The following AMBRA1 variants were observed in gnomAD, a reference collection of about 807,000 sequenced individuals.
The protein encoded by AMBRA1 is autophagy and beclin 1 regulator 1, also known as activating molecule in BECN1-regulated autophagy protein 1.
A neutral mutation model predicts 125.4 loss-of-function variants in AMBRA1; 47 were observed. The ratio of observed to expected loss-of-function variants is 0.37; its 90% CI spans 0.30 to 0.48. AMBRA1 has a LOEUF of 0.48. AMBRA1 is among the 20% of genes least tolerant of loss of function. The pLI, the probability that AMBRA1 is intolerant of heterozygous loss-of-function variation, is 0.99. For missense variants in AMBRA1, 1,331 were observed against 1,693.4 expected (o/e 0.79, Z 3.76); for synonymous variants, 626 against 655.5 (o/e 0.95, Z 0.69).
At chr11:46,517,989 A>G (rs538814010) in intron 7 of AMBRA1, among the ~76,000 whole-genome samples, 1 of 152,190 alleles carries the variant, frequency 6.6e-6, no homozygotes, top group Non-Finnish European at 1.5e-5. Flanking sequence ...GTTAACATTT[A>G]GGGAATGTGG....
chr11:46,493,596 A>T lies in AMBRA1; in HGVS notation c.2521+12T>A, dbSNP rs1950537816. On this transcript the variant is annotated intron_variant, in intron 11 of 17. Transcript: ENST00000683756. ...CTTCACATTTTCAAAAGCCAAAGAA[A>T]CATTTCCTTACCTGCCAGGACCCTG... 6.3e-7 allele frequency: 1 copy of T among 1,599,988 alleles called. No homozygotes were observed. Among genetic ancestry groups the T allele is most frequent in the African/African-American group, 1.4e-5 (1 of 73,958 alleles).
At chr11:46,571,380 A>C (rs2043750067) in intron 1 of AMBRA1, among the ~76,000 whole-genome samples, 1 of 152,220 alleles carries the variant, frequency 6.6e-6, no homozygotes, top group African/African-American at 2.4e-5. Context: ...TTGAACATAA[A>C]ATCTTGAAAA....
At chr11:46,576,242 T>G (rs1037130876) in intron 1 of AMBRA1, among the ~76,000 whole-genome samples, 1 of 152,210 alleles carries the variant, frequency 6.6e-6, no homozygotes, top group Non-Finnish European at 1.5e-5. Flanking sequence ...CTCTATTGAT[T>G]ACTGCTTTGT....
chr11:46,479,416 A>T (rs1333882011), intron 11 of AMBRA1, among the ~76,000 whole-genome samples: 1 of 152,200 alleles, frequency 6.6e-6, no homozygotes, highest in Non-Finnish European at 1.5e-5. Flanking sequence ...AACATGACAT[A>T]AGGAGAGATT....
intron 1 of AMBRA1, among the ~76,000 whole-genome samples, chr11:46,587,295 G>A (rs1175230250): frequency 6.6e-6 from 1 of 151,962 alleles, no homozygotes; most frequent in Admixed American, 6.6e-5. Flanking sequence ...CACGAGAATC[G>A]CTTGAACCCG....
intron 1 of AMBRA1, among the ~76,000 whole-genome samples, chr11:46,573,394 ACT>A (rs1472251727): frequency 2.0e-5 from 3 of 150,324 alleles, no homozygotes; most frequent in Non-Finnish European, 4.4e-5. Flanking sequence ...ACAGAGTGAG[ACT>A]CTGTCTCAGA....
In AMBRA1 at chr11:46,419,301, A is replaced by AG. The variant is rs1946727985; in HGVS notation, c.2977-1250_2977-1249insC. 2.6e-5 allele frequency among the ~76,000 whole-genome samples: 4 copies of AG among 152,220 alleles called. No homozygotes were observed. The East Asian group carries it at 7.7e-4, about 29-fold the overall frequency. On this transcript the variant is annotated intron_variant, in intron 14 of 17. Coordinates refer to ENST00000683756, the MANE Select transcript of AMBRA1 (RefSeq NM_001387011.1). ...CCACTCTCTGATATGTTTTAGAAGC[A>AG]ACTTAATCAGAGATAGGGGCAGGTC...
At chr11:46,512,303 T>A (rs1285558659) in intron 8 of AMBRA1, among the ~76,000 whole-genome samples, 1 of 152,254 alleles carries the variant, frequency 6.6e-6, no homozygotes, top group Non-Finnish European at 1.5e-5. Context: ...CCTTTTGATA[T>A]TCTAAATTCC....
intron 7 of AMBRA1, among the ~76,000 whole-genome samples, chr11:46,524,146 G>T (rs1014158725): frequency 2.6e-5 from 4 of 152,216 alleles, no homozygotes; most frequent in African/African-American, 9.7e-5. Context: ...GGGATTACAG[G>T]TGTGAGCCAC....
chr11:46,545,895 C>T (rs1057237215), intron 4 of AMBRA1, 119 bp from the exon 5 acceptor site: 1 of 863,054 alleles, frequency 1.2e-6, no homozygotes, highest in Non-Finnish European at 1.8e-6. Flanking sequence ...ACTTTAAATA[C>T]ATCCTCTGTA....
chr11:46,454,318 C>T (rs1948749217), intron 11 of AMBRA1, among the ~76,000 whole-genome samples: 1 of 151,802 alleles, frequency 6.6e-6, no homozygotes, highest in Non-Finnish European at 1.5e-5. Context: ...CGTGAGCCAT[C>T]ATGCCTGGCA....
chr11:46,572,243 G>A (rs1178767486), intron 1 of AMBRA1, among the ~76,000 whole-genome samples: 1 of 152,134 alleles, frequency 6.6e-6, no homozygotes, highest in Non-Finnish European at 1.5e-5. Context: ...GGAGGTTGCA[G>A]GGAGCAGAGA....
intron 11 of AMBRA1, among the ~76,000 whole-genome samples, chr11:46,449,484 T>A (rs574759477): frequency 1.3e-5 from 2 of 152,278 alleles, no homozygotes; most frequent in South Asian, 4.2e-4. Flanking sequence ...GTACAAGGTC[T>A]ATAGGAGGAA....
chr11:46,428,627 T>G, intron 14 of AMBRA1: 1 of 1,574,530 alleles, frequency 6.4e-7, no homozygotes, highest in Non-Finnish European at 8.6e-7. Context: ...ATAAGTTTAT[T>G]CAATGCAAAA....
chr11:46,434,115 C>CAAAAAAA (rs145761376), intron 13 of AMBRA1, among the ~76,000 whole-genome samples: 22 of 53,538 alleles, frequency 4.1e-4, no homozygotes, highest in African/African-American at 9.9e-4. Context: ...AACTCCGTCT[C>CAAAAAAA]AAAAAAAAAA....
intron 12 of AMBRA1, among the ~76,000 whole-genome samples, chr11:46,437,935 G>A (rs1017486437): frequency 2.6e-5 from 4 of 152,142 alleles, no homozygotes; most frequent in East Asian, 3.8e-4. Context: ...ACTTTAACAC[G>A]TATCAAACTC....
intron 11 of AMBRA1, among the ~76,000 whole-genome samples, chr11:46,492,435 A>G (rs1456938230): frequency 6.6e-6 from 1 of 152,212 alleles, no homozygotes; most frequent in Non-Finnish European, 1.5e-5. Flanking sequence ...TTTAACCATC[A>G]CATGGCCCAG....
chr11:46,467,476 C>T (rs1444868473), intron 11 of AMBRA1, among the ~76,000 whole-genome samples: 4 of 151,942 alleles, frequency 2.6e-5, no homozygotes, highest in Admixed American at 6.6e-5. Flanking sequence ...AATCATCACT[C>T]GCTTTTTCCC....
intron 11 of AMBRA1, among the ~76,000 whole-genome samples, chr11:46,447,811 C>T (rs1386896927): frequency 6.6e-6 from 1 of 151,858 alleles, no homozygotes; most frequent in Non-Finnish European, 1.5e-5. Flanking sequence ...TAATAAATGG[C>T]CTTTAAAATT....
Sources: allele counts gnomAD v4.1 joint callset (sites outside exome capture counted in the v4.1 genomes callset), GRCh38; gene constraint gnomAD v4.1.1; transcripts MANE v1.5; gene names NCBI Gene and HGNC (gene_info 2026-07-23, HGNC 2026-07-21).